The following RGS6 variants were observed in gnomAD, a reference collection of about 807,000 sequenced individuals.
The protein encoded by RGS6 is regulator of G protein signaling 6.
A neutral mutation model predicts 78.5 loss-of-function variants in RGS6; 30 were observed. The observed-to-expected ratio is 0.38, with a 90% CI of 0.29 to 0.52. The LOEUF (loss-of-function observed/expected upper bound fraction) is 0.52, where lower values mean the gene tolerates loss of function less well. Among genes scored for constraint, RGS6 ranks in the 20% least tolerant of loss-of-function variants. The pLI is 0.85. For missense variants in RGS6, 495 were observed against 609.7 expected (o/e 0.81, Z 1.98); for synonymous variants, 206 against 206.0 (o/e 1.00, Z 0.00).
At position 72,491,254 on chromosome 14, in the gene RGS6, A is replaced by G. The variant is rs553058810; in HGVS notation, c.855-3898A>G. ...TTTGGTCAAATAATTCTGCTTATGG[A>G]TATGCATTCTAAATAAATAACCCAG... On this transcript the variant is annotated intron_variant, in intron 12 of 17. Transcript: ENST00000553525. Among the ~76,000 whole-genome samples, 109 of 151,954 alleles carry G rather than the reference A, an allele frequency of 7.2e-4. 1 individual carries two copies. Among genetic ancestry groups the G allele is most frequent in the Admixed American group, 7.0e-3 (106 of 15,240 alleles).
At chr14:72,031,581 A>G (rs933539214) in intron 2 of RGS6, among the ~76,000 whole-genome samples, 67 of 152,238 alleles carry the variant, frequency 4.4e-4, no homozygotes, top group African/African-American at 1.6e-3. Context: ...GGAATTGAAG[A>G]CTCCATGCTG....
In RGS6 at chr14:72,561,362, C is replaced by T. The variant is rs117696801; in HGVS notation, c.1423-1055C>T. Among the ~76,000 whole-genome samples, 975 of 152,264 alleles carry T rather than the reference C, an allele frequency of 6.4e-3. 8 individuals are homozygous for T. Among genetic ancestry groups the T allele is most frequent in the Non-Finnish European group, 9.6e-3 (651 of 68,006 alleles). On this transcript the variant is annotated intron_variant, in intron 17 of 17. Transcript: ENST00000553525. Reference sequence around the variant, plus strand: ...AGATGGCGGTGGTGTCGCTGACCCACTGTCAATAATATGGGTTTGGAGTGC... The same window carrying T: ...AGATGGCGGTGGTGTCGCTGACCCATTGTCAATAATATGGGTTTGGAGTGC...
chr14:72,447,956 G>A (rs2095408203), intron 3 of RGS6, among the ~76,000 whole-genome samples: 1 of 152,126 alleles, frequency 6.6e-6, no homozygotes, highest in African/African-American at 2.4e-5. Flanking sequence ...CACCCACCTC[G>A]GCCTCCCGCA....
the RGS6 span, among the ~76,000 whole-genome samples, chr14:71,920,784 C>A: frequency 0.02 from 3,114 of 152,222 alleles, 58 homozygotes; most frequent in Non-Finnish European, 0.03. Flanking sequence ...AGGTTAAATA[C>A]ATCGGTTTCT....
chr14:72,081,544 A>G (rs1011488959), intron 2 of RGS6, among the ~76,000 whole-genome samples: 11 of 152,022 alleles, frequency 7.2e-5, no homozygotes, highest in African/African-American at 2.2e-4. Flanking sequence ...ACACTGTTCT[A>G]TTGTTATCTG....
At chr14:72,261,679 ATC>A (rs1286653165) in intron 2 of RGS6, among the ~76,000 whole-genome samples, 2 of 152,160 alleles carry the variant, frequency 1.3e-5, no homozygotes, top group African/African-American at 4.8e-5. Flanking sequence ...TCCAATATGA[ATC>A]TCTCCACAGA....
At chr14:72,509,577 T>C (rs540434097) in intron 13 of RGS6, among the ~76,000 whole-genome samples, 1 of 152,300 alleles carries the variant, frequency 6.6e-6, no homozygotes, top group African/African-American at 2.4e-5. Context: ...CTTGAGACGG[T>C]GTCTAGCACA....
chr14:72,065,678 C>G (rs777065161), intron 2 of RGS6, among the ~76,000 whole-genome samples: 5 of 152,164 alleles, frequency 3.3e-5, no homozygotes, highest in Admixed American at 6.6e-5. Flanking sequence ...AAAGCTTCTC[C>G]TTAACCCAGA....
intron 2 of RGS6, among the ~76,000 whole-genome samples, chr14:72,333,556 G>T (rs2075453788): frequency 6.6e-6 from 1 of 152,204 alleles, no homozygotes; most frequent in Admixed American, 6.5e-5. Flanking sequence ...TACTCGGTTG[G>T]CACTTTCCGC....
At chr14:72,179,149 G>T (rs1024300955) in intron 2 of RGS6, among the ~76,000 whole-genome samples, 1 of 152,174 alleles carries the variant, frequency 6.6e-6, no homozygotes, top group Non-Finnish European at 1.5e-5. Flanking sequence ...GTGAGCCCCC[G>T]CATTGGAACA....
intron 2 of RGS6, among the ~76,000 whole-genome samples, chr14:71,985,145 G>T (rs2094640596): frequency 6.6e-6 from 1 of 152,046 alleles, no homozygotes; most frequent in African/African-American, 2.4e-5. Context: ...TTAATTTTGA[G>T]ATGGAGTCTC....
chr14:72,552,048 G>A (rs111520175), intron 17 of RGS6, among the ~76,000 whole-genome samples: 130 of 152,236 alleles, frequency 8.5e-4, no homozygotes, highest in African/African-American at 3.0e-3. Flanking sequence ...CTTAGGCTGC[G>A]CTTATTACCT....
At chr14:72,410,724 C>CAACATACAA (rs2093345476) in intron 3 of RGS6, among the ~76,000 whole-genome samples, 1 of 152,132 alleles carries the variant, frequency 6.6e-6, no homozygotes, top group Non-Finnish European at 1.5e-5. Flanking sequence ...AGTCTTTAAT[C>CAACATACAA]CATCTTGAAT....
At chr14:71,978,866 G>A (rs185067180) in intron 2 of RGS6, among the ~76,000 whole-genome samples, 5 of 149,472 alleles carry the variant, frequency 3.3e-5, no homozygotes, top group Non-Finnish European at 4.5e-5. Flanking sequence ...ACCTCTGGTA[G>A]AATTCCGCTG....
chr14:72,117,007 A>T (rs1310375811), intron 2 of RGS6, among the ~76,000 whole-genome samples: 1 of 148,416 alleles, frequency 6.7e-6, no homozygotes, highest in East Asian at 2.0e-4. Flanking sequence ...AAGTAGAGTG[A>T]TATGGTTACA....
At chr14:72,437,167 C>CAAAAAAAA (rs71109735) in intron 3 of RGS6, among the ~76,000 whole-genome samples, 553 of 74,846 alleles carry the variant, frequency 7.4e-3, no homozygotes, top group East Asian at 0.014. Flanking sequence ...ACTAAAAATA[C>CAAAAAAAA]AAAAAAAAAA....
chr14:72,359,283 G>T (rs1200920351), intron 3 of RGS6, among the ~76,000 whole-genome samples: 1 of 152,132 alleles, frequency 6.6e-6, no homozygotes, highest in Non-Finnish European at 1.5e-5. Flanking sequence ...AGGAAAAAAA[G>T]GAATTAGCCA....
At chr14:71,965,210 A>G (rs541362058) in intron 2 of RGS6, among the ~76,000 whole-genome samples, 6 of 152,348 alleles carry the variant, frequency 3.9e-5, no homozygotes, top group African/African-American at 1.4e-4. Context: ...AGTATGTACA[A>G]AATCTGGGCT....
chr14:72,096,874 A>C (rs1156664456), intron 2 of RGS6, among the ~76,000 whole-genome samples: 1 of 152,230 alleles, frequency 6.6e-6, no homozygotes, highest in Non-Finnish European at 1.5e-5. Flanking sequence ...TTAGGGACCA[A>C]CTTTGGAGAC....
Sources: allele counts gnomAD v4.1 joint callset (sites outside exome capture counted in the v4.1 genomes callset), GRCh38; gene constraint gnomAD v4.1.1; transcripts MANE v1.5; gene names NCBI Gene and HGNC (gene_info 2026-07-23, HGNC 2026-07-21).